PRKG1: variants seen among roughly 807,000 people sequenced by gnomAD.
PRKG1 encodes cGMP-dependent protein kinase 1.
Under a neutral mutation model 88.1 loss-of-function variants are expected in PRKG1, and 35 were observed. The ratio of observed to expected loss-of-function variants is 0.40; its 90% confidence interval spans 0.30 to 0.53. The LOEUF is 0.53. Among genes scored for constraint, PRKG1 ranks in the 20% least tolerant of loss-of-function variants. The probability of loss-of-function intolerance (pLI) is 0.59; values close to 1 mark genes in which losing one functional copy is unlikely to be tolerated. For missense variants in PRKG1, 540 were observed against 839.8 expected, an observed-to-expected ratio of 0.64 and a Z score of 4.41; for synonymous variants, 303 against 292.5, an observed-to-expected ratio of 1.04 and a Z score of -0.37.
chr10:52,015,115 GCTCCAGTC>G (rs1035567716), intron 5 of PRKG1, among the ~76,000 whole-genome samples: 21 of 152,188 alleles, frequency 1.4e-4, no homozygotes, highest in African/African-American at 4.8e-4. Context: ...CTGTGTGGGG[GCTCCAGTC>G]CTACATTTCC....
chr10:51,019,592 G>T, intron 1 of PRKG1, among the ~76,000 whole-genome samples: 1 of 151,918 alleles, frequency 6.6e-6, no homozygotes, highest in Non-Finnish European at 1.5e-5. Flanking sequence ...TTTGGTAATG[G>T]TTTCTTGAGG....
At chr10:51,734,257 G>A (rs1455618364) in intron 3 of PRKG1, among the ~76,000 whole-genome samples, 3 of 152,004 alleles carry the variant, frequency 2.0e-5, no homozygotes, top group African/African-American at 7.2e-5. Context: ...AAAATATGCT[G>A]GGTGATAATG....
intron 3 of PRKG1, among the ~76,000 whole-genome samples, chr10:51,644,987 C>T (rs1039833418): frequency 5.9e-5 from 9 of 152,104 alleles, no homozygotes; most frequent in Admixed American, 2.0e-4. Flanking sequence ...GGGGTTTCAT[C>T]ATATTGGTCA....
rs546590843 is a variant in PRKG1, at chr10:51,330,521, C to T, written c.479-137202C>T. 1.4e-4 allele frequency among the ~76,000 whole-genome samples: 22 copies of T among 152,234 alleles called. No individual in the cohort carries two copies. The East Asian group carries it at 3.7e-3, about 25-fold the overall frequency. On this transcript the variant is annotated intron_variant, in intron 2 of 17. Transcript: ENST00000373980. ...ATATTACAAGAATTTCTTTACTTTT[C>T]GTATTTTTTCTCATCTGACTGTATA...
chr10:51,253,386 T>C (rs1320158848), intron 2 of PRKG1, among the ~76,000 whole-genome samples: 1 of 151,884 alleles, frequency 6.6e-6, no homozygotes, highest in Non-Finnish European at 1.5e-5. Context: ...TTTATAAGGT[T>C]GATTTTATAA....
At chr10:52,289,518 G>A (rs552921217) in intron 16 of PRKG1, among the ~76,000 whole-genome samples, 32 of 152,192 alleles carry the variant, frequency 2.1e-4, no homozygotes, top group Middle Eastern at 3.4e-3. Context: ...CTATTTGTTT[G>A]TGTAACACTG....
intron 8 of PRKG1, among the ~76,000 whole-genome samples, chr10:52,136,960 C>T (rs967456250): frequency 1.3e-5 from 2 of 152,088 alleles, no homozygotes; most frequent in East Asian, 1.9e-4. Context: ...GGGTTTCTGA[C>T]CAAATGTTGA....
At chr10:51,669,187 A>G (rs1331439757) in intron 3 of PRKG1, among the ~76,000 whole-genome samples, 7 of 152,198 alleles carry the variant, frequency 4.6e-5, no homozygotes, top group African/African-American at 1.4e-4. Context: ...GGCGACTTAA[A>G]CAACAGCCAT....
intron 2 of PRKG1, among the ~76,000 whole-genome samples, chr10:51,268,030 A>G (rs1428841092): frequency 2.6e-5 from 4 of 152,216 alleles, no homozygotes; most frequent in Non-Finnish European, 5.9e-5. Context: ...GACAGAGTAC[A>G]AAAGAGAGAA....
intron 7 of PRKG1, among the ~76,000 whole-genome samples, chr10:52,124,766 T>C (rs1466196124): frequency 1.3e-5 from 2 of 152,136 alleles, no homozygotes; most frequent in African/African-American, 2.4e-5. Flanking sequence ...TTACATATTC[T>C]ATAAGATTTT....
chr10:51,125,546 A>T (rs1215469323), intron 1 of PRKG1, among the ~76,000 whole-genome samples: 2 of 149,546 alleles, frequency 1.3e-5, no homozygotes, highest in South Asian at 4.2e-4. Flanking sequence ...GCTGGGCATG[A>T]TGGCGGGTGC....
At chr10:51,844,584 A>T (rs1184215594) in intron 4 of PRKG1, among the ~76,000 whole-genome samples, 2 of 152,158 alleles carry the variant, frequency 1.3e-5, no homozygotes, top group East Asian at 3.9e-4. Flanking sequence ...TTAAACCTTA[A>T]GTTTGTATAA....
intron 2 of PRKG1, among the ~76,000 whole-genome samples, chr10:51,412,938 C>T (rs1299539425): frequency 6.6e-6 from 1 of 152,086 alleles, no homozygotes; most frequent in African/African-American, 2.4e-5. Flanking sequence ...GCTCAAGCCT[C>T]TTGGTGTTTG....
intron 3 of PRKG1, among the ~76,000 whole-genome samples, chr10:51,804,071 C>T (rs532845705): frequency 3.9e-5 from 6 of 152,192 alleles, no homozygotes; most frequent in South Asian, 2.1e-4. Context: ...ATTTGTAAAA[C>T]GAGCTTTGTG....
chr10:52,018,398 C>A (rs1845097903), intron 5 of PRKG1, among the ~76,000 whole-genome samples: 1 of 151,976 alleles, frequency 6.6e-6, no homozygotes, highest in Non-Finnish European at 1.5e-5. Flanking sequence ...TTTTTATGTC[C>A]ATTTTTATAC....
chr10:51,912,352 A>T (rs1169573945), intron 5 of PRKG1, among the ~76,000 whole-genome samples: 1 of 152,144 alleles, frequency 6.6e-6, no homozygotes, highest in East Asian at 1.9e-4. Flanking sequence ...TATGGTTGTA[A>T]GTAGTAAAGT....
chr10:51,730,895 C>A (rs923796692), intron 3 of PRKG1, among the ~76,000 whole-genome samples: 2 of 152,202 alleles, frequency 1.3e-5, no homozygotes, highest in Non-Finnish European at 2.9e-5. Flanking sequence ...GTGGCTCATG[C>A]CTGTAATCCC....
rs61504053 is a variant in PRKG1 at position 52,108,825 on chromosome 10, C to CTTT, written c.936-24998_936-24996dup. On this transcript the variant is annotated intron_variant, in intron 7 of 17. Coordinates refer to ENST00000373980, the MANE Select transcript of PRKG1 (RefSeq NM_006258.4). ...TATTAACCTGGGAGAACAAGTATTC[C>CTTT]TTTTTTTTTTTTTTTTTTTGAGATG... Among the ~76,000 whole-genome samples the CTTT allele has an allele frequency of 4.1e-3, 509 of 122,706 alleles. 10 individuals are homozygous for CTTT. The highest frequency in any genetic ancestry group is 0.013 in the African/African-American group (410 of 31,850). 80.5% of individuals were successfully genotyped at this position (122,706 alleles called of 152,430 possible).
At chr10:51,225,785 A>G (rs1838676498) in intron 2 of PRKG1, among the ~76,000 whole-genome samples, 1 of 152,198 alleles carries the variant, frequency 6.6e-6, no homozygotes, top group African/African-American at 2.4e-5. Context: ...GAAAAGTTCT[A>G]GATTCACTGT....
Sources: gnomAD v4.1 joint callset for allele counts (sites outside exome capture counted in the v4.1 genomes callset) on GRCh38, gnomAD v4.1.1 for gene constraint, MANE v1.5 for transcripts, NCBI Gene and HGNC (gene_info 2026-07-23, HGNC 2026-07-21) for gene names.